Variants in PDE6D observed in about 807,000 individuals in gnomAD.
The protein encoded by PDE6D is phosphodiesterase 6D, also known as retinal rod rhodopsin-sensitive cGMP 3',5'-cyclic phosphodiesterase subunit delta.
PDE6D carries 10 observed loss-of-function variants against 21.9 expected under a neutral mutation model. That is an observed-to-expected ratio of 0.46 (90% CI 0.28 to 0.78). The LOEUF is 0.78. PDE6D is among the 30% of genes least tolerant of loss of function. The pLI is 0.12. For synonymous variants in PDE6D, 59 were observed against 63.5 expected, an observed-to-expected ratio of 0.93 and a Z score of 0.34; for missense variants, 139 against 184.8, an observed-to-expected ratio of 0.75 and a Z score of 1.44.
intron 1 of PDE6D, among the ~76,000 whole-genome samples, chr2:231,756,606 T>TA (rs1559323487): frequency 6.7e-6 from 1 of 149,674 alleles, no homozygotes; most frequent in East Asian, 1.9e-4. Flanking sequence ...CCTGGCTTTT[T>TA]TTTTTTTTTT....
chr2:231,779,350 G>C (rs2049082899), intron 1 of PDE6D: 2 of 152,190 alleles, frequency 1.3e-5, no homozygotes, highest in African/African-American at 4.8e-5. Flanking sequence ...ACAGGTTCAA[G>C]AGCTAAGACT....
At chr2:231,746,347 T>C (rs1013562069) in intron 1 of PDE6D, among the ~76,000 whole-genome samples, 5 of 152,180 alleles carry the variant, frequency 3.3e-5, no homozygotes, top group African/African-American at 1.2e-4. Flanking sequence ...TTCACTATGT[T>C]GCCCAGGCTG....
At chr2:231,762,937 A>G (rs1352075134) in intron 1 of PDE6D, among the ~76,000 whole-genome samples, 1 of 147,916 alleles carries the variant, frequency 6.8e-6, no homozygotes, top group Non-Finnish European at 1.5e-5. Flanking sequence ...CATCTCTACT[A>G]AAAAAAAAAG....
intron 1 of PDE6D, among the ~76,000 whole-genome samples, chr2:231,752,274 C>A (rs1278488813): frequency 6.6e-6 from 1 of 152,186 alleles, no homozygotes; most frequent in East Asian, 1.9e-4. Flanking sequence ...AGCAGAACAC[C>A]TGCTGTGGAG....
chr2:231,734,488 T>G (rs1038816672), intron 4 of PDE6D, among the ~76,000 whole-genome samples: 1 of 151,586 alleles, frequency 6.6e-6, no homozygotes, highest in African/African-American at 2.4e-5. Context: ...TAAACTACTC[T>G]GTACTTTCCC....
intron 1 of PDE6D, among the ~76,000 whole-genome samples, chr2:231,766,724 G>A (rs1436870211): frequency 6.6e-6 from 1 of 152,142 alleles, no homozygotes; most frequent in Non-Finnish European, 1.5e-5. Context: ...GGGGCATGGT[G>A]GCTCATGCCT....
intron 1 of PDE6D, among the ~76,000 whole-genome samples, chr2:231,775,340 C>A (rs2049046826): frequency 6.6e-6 from 1 of 152,004 alleles, no homozygotes; most frequent in African/African-American, 2.4e-5. Flanking sequence ...CAGGGTCTCA[C>A]TCTGTTACCC....
chr2:231,755,552 C>T (rs1388717142), intron 1 of PDE6D, among the ~76,000 whole-genome samples: 1 of 152,034 alleles, frequency 6.6e-6, no homozygotes, highest in African/African-American at 2.4e-5. Context: ...CATGGTGAAA[C>T]CCTGTCTCTA....
chr2:231,772,747 T>C (rs923430776), intron 1 of PDE6D, among the ~76,000 whole-genome samples: 5 of 152,192 alleles, frequency 3.3e-5, no homozygotes, highest in African/African-American at 9.7e-5. Context: ...TTATCAAATG[T>C]AGTGGTGATA....
chr2:231,766,552 C>T (rs1428285100), intron 1 of PDE6D, among the ~76,000 whole-genome samples: 1 of 152,178 alleles, frequency 6.6e-6, no homozygotes, highest in Non-Finnish European at 1.5e-5. Flanking sequence ...AAAAGGGCCA[C>T]TGTTTCTTTC....
chr2:231,750,481 C>CATTT (rs1553557786), intron 1 of PDE6D, among the ~76,000 whole-genome samples: 3 of 133,560 alleles, frequency 2.2e-5, no homozygotes, highest in Non-Finnish European at 1.6e-5. Context: ...ATCCATATCA[C>CATTT]TTTTTTTTTT....
At chr2:231,748,325 G>A (rs2048810692) in intron 1 of PDE6D, among the ~76,000 whole-genome samples, 1 of 152,160 alleles carries the variant, frequency 6.6e-6, no homozygotes, top group African/African-American at 2.4e-5. Context: ...CTCTTGTTAT[G>A]TTTTAGCAAA....
At chr2:231,780,531 G>A (rs1449519005) in intron 1 of PDE6D, among the ~76,000 whole-genome samples, 1 of 152,250 alleles carries the variant, frequency 6.6e-6, no homozygotes, top group African/African-American at 2.4e-5. Context: ...ACCAGACGGG[G>A]GTGGGGTGCG....
intron 1 of PDE6D, among the ~76,000 whole-genome samples, chr2:231,759,192 C>T (rs935093505): frequency 6.6e-6 from 1 of 152,028 alleles, no homozygotes; most frequent in African/African-American, 2.4e-5. Context: ...TGGCACATGC[C>T]TGTAGTCCCA....
At position 231,763,847 on chromosome 2, in the gene PDE6D, C is replaced by T. The variant is rs181733410; in HGVS notation, c.50+17218G>A. Among the ~76,000 whole-genome samples, 146 of 151,764 alleles carry T rather than the reference C, an allele frequency of 9.6e-4. 2 individuals are homozygous for T. Among genetic ancestry groups the T allele is most frequent in the Non-Finnish European group, 1.5e-3 (101 of 67,914 alleles). ...CTGTTGAGACAGAGTCTATGTTGCT[C>T]AGGCCGGTCTTGAATTCCTGGGCTC... On this transcript the variant is annotated intron_variant, in intron 1 of 4. Transcript: ENST00000287600.
Position 231,739,891 on chromosome 2 carries a change from G to A in PDE6D, c.51-703C>T, listed in dbSNP as rs1337978426. Among the ~76,000 whole-genome samples, 2 of 151,974 alleles carry A rather than the reference G, an allele frequency of 1.3e-5. No homozygotes were observed. The highest frequency in any genetic ancestry group is 1.5e-5 in the Non-Finnish European group (1 of 67,998). On this transcript the variant is annotated intron_variant, in intron 1 of 4. Transcript: ENST00000287600. This position sits in a 1 kb window ranked among gnomAD's most constrained non-coding sequence, Gnocchi z 4.2. ...AAGTGATCTGTCTGCCTCAGCCTCT[G>A]AGTGCCCTGTTTTTAAATATGAGAA...
chr2:231,733,373 T>C (rs1469514716), intron 4 of PDE6D, among the ~76,000 whole-genome samples: 1 of 152,226 alleles, frequency 6.6e-6, no homozygotes, highest in Non-Finnish European at 1.5e-5. Context: ...TGGACACCTC[T>C]GGCTGGCTTA....
chr2:231,750,018 A>T (rs1034432659), intron 1 of PDE6D, among the ~76,000 whole-genome samples: 2 of 152,068 alleles, frequency 1.3e-5, no homozygotes, highest in African/African-American at 2.4e-5. Context: ...TATCTCCCAG[A>T]ATTCCCAAGT....
intron 1 of PDE6D, among the ~76,000 whole-genome samples, chr2:231,764,781 T>C (rs570549454): frequency 1.3e-5 from 2 of 152,326 alleles, no homozygotes; most frequent in African/African-American, 4.8e-5. Context: ...GTACCATGAA[T>C]ATATTAGTTT....
Sources: gnomAD v4.1 joint callset for allele counts (sites outside exome capture counted in the v4.1 genomes callset) on GRCh38, gnomAD v4.1.1 for gene constraint, Gnocchi (gnomAD v3.1) non-coding constraint, MANE v1.5 for transcripts, NCBI Gene and HGNC (gene_info 2026-07-23, HGNC 2026-07-21) for gene names.